Variants in PPFIA2 observed in about 807,000 individuals in gnomAD.
PPFIA2 encodes liprin-alpha-2.
A neutral mutation model predicts 175.5 loss-of-function variants in PPFIA2; 46 were observed. The ratio of observed to expected loss-of-function variants is 0.26; its 90% CI spans 0.21 to 0.34. PPFIA2 has a LOEUF of 0.34. Among genes scored for constraint, PPFIA2 ranks in the 10% least tolerant of loss-of-function variants. The pLI is 1.00. For synonymous variants in PPFIA2, 568 were observed against 511.4 expected, an observed-to-expected ratio of 1.11 and a Z score of -1.49; for missense variants, 1,179 against 1,506.1, an observed-to-expected ratio of 0.78 and a Z score of 3.60.
intron 4 of PPFIA2, among the ~76,000 whole-genome samples, chr12:81,632,408 AAT>A (rs1449795059): frequency 2.0e-5 from 3 of 152,006 alleles, no homozygotes; most frequent in South Asian, 2.1e-4. Flanking sequence ...TATATATGTA[AAT>A]ATATATATGT....
chr12:81,657,023 T>C (rs534703304), intron 4 of PPFIA2, among the ~76,000 whole-genome samples: 1 of 152,274 alleles, frequency 6.6e-6, no homozygotes, highest in South Asian at 2.1e-4. Context: ...CCTGTAGTGG[T>C]TATAATTAAT....
intron 4 of PPFIA2, among the ~76,000 whole-genome samples, chr12:81,507,275 C>T (rs1368049221): frequency 6.6e-6 from 1 of 152,100 alleles, no homozygotes; most frequent in Admixed American, 6.5e-5. Flanking sequence ...TAAATGGAAA[C>T]TGCATATTTA....
intron 4 of PPFIA2, among the ~76,000 whole-genome samples, chr12:81,613,646 T>C (rs1361939016): frequency 6.6e-6 from 1 of 152,154 alleles, no homozygotes; most frequent in Non-Finnish European, 1.5e-5. Context: ...TCTACAAGCA[T>C]AATTCCTAGC....
chr12:81,290,096 GC>G (rs2044512784), intron 24 of PPFIA2, among the ~76,000 whole-genome samples: 1 of 151,668 alleles, frequency 6.6e-6, no homozygotes, highest in Admixed American at 6.6e-5. Context: ...AAATAAAAAA[GC>G]CCCGAAGCCC....
chr12:81,545,283 C>T (rs1195837872), intron 4 of PPFIA2: 1 of 152,094 alleles, frequency 6.6e-6, no homozygotes, highest in African/African-American at 2.4e-5. Flanking sequence ...GAAGAAAAAT[C>T]AGAAATTTTG....
chr12:81,305,815 T>C (rs2049001099), intron 22 of PPFIA2, among the ~76,000 whole-genome samples: 1 of 152,218 alleles, frequency 6.6e-6, no homozygotes, highest in South Asian at 2.1e-4. Context: ...TATATTGGAA[T>C]GGTAAAACTT....
At chr12:81,432,550 C>T (rs926940237) in intron 7 of PPFIA2, among the ~76,000 whole-genome samples, 1 of 150,570 alleles carries the variant, frequency 6.6e-6, no homozygotes, top group African/African-American at 2.5e-5. Flanking sequence ...AATGCAACCT[C>T]TGCCTCCCGG....
At chr12:81,326,685 AC>A (rs2054850232) in intron 21 of PPFIA2, among the ~76,000 whole-genome samples, 1 of 152,138 alleles carries the variant, frequency 6.6e-6, no homozygotes, top group Non-Finnish European at 1.5e-5. Flanking sequence ...TTCTAAACTT[AC>A]AAAATTAATT....
intron 3 of PPFIA2, among the ~76,000 whole-genome samples, chr12:81,728,184 T>C (rs565046973): frequency 2.0e-5 from 3 of 151,554 alleles, no homozygotes; most frequent in Admixed American, 6.6e-5. Context: ...GTTTGGACTA[T>C]TGCCTTCACT....
At chr12:81,471,101 TCTTTC>T (rs1481811961) in intron 4 of PPFIA2, 6 of 148,438 alleles carry the variant, frequency 4.0e-5, no homozygotes, top group East Asian at 2.0e-4. Flanking sequence ...CATTTTTTTG[TCTTTC>T]CTTTATTTAT....
chr12:81,594,868 G>T (rs1438301217), intron 4 of PPFIA2, among the ~76,000 whole-genome samples: 2 of 151,972 alleles, frequency 1.3e-5, no homozygotes, highest in Non-Finnish European at 2.9e-5. Context: ...AGCTTTTATT[G>T]GGCCACTGCA....
At position 81,375,903 on chromosome 12, in the gene PPFIA2, T is replaced by A; in HGVS notation, c.1024A>T (p.Thr342Ser). 6.2e-7 allele frequency: 1 copy of A among 1,613,348 alleles called. No individual in the cohort carries two copies. Among genetic ancestry groups the A allele is most frequent in the Non-Finnish European group, 8.5e-7 (1 of 1,179,474 alleles). The change falls in exon 10 of 33, where the codon ACC becomes TCC. Residue 342 changes from threonine to serine, a missense_variant. Thr to Ser is a moderately conservative substitution (Grantham distance 58). Transcript: ENST00000549396. ...QKEDMEERIT[T>S]LEKRYLSAQR... ...GCACTGAGGTAACGCTTTTCAAGGG[T>A]TGTAATTCTTTCTTCCATATCTTCC... is the stretch of plus-strand genomic sequence containing the variant.
At chr12:81,424,196 T>C (rs2046767558) in intron 7 of PPFIA2, among the ~76,000 whole-genome samples, 1 of 152,100 alleles carries the variant, frequency 6.6e-6, no homozygotes, top group Non-Finnish European at 1.5e-5. Context: ...AACCATTATA[T>C]TAGAATTTTG....
intron 4 of PPFIA2, among the ~76,000 whole-genome samples, chr12:81,473,526 T>C (rs1301389164): frequency 6.6e-6 from 1 of 152,206 alleles, no homozygotes; most frequent in African/African-American, 2.4e-5. Context: ...AAACCACATG[T>C]GTGATAACAC....
chr12:81,356,096 C>T (rs1036734795), intron 16 of PPFIA2, among the ~76,000 whole-genome samples: 19 of 152,130 alleles, frequency 1.2e-4, no homozygotes, highest in Admixed American at 1.2e-3. Flanking sequence ...AGATGTGCAA[C>T]TCTTACTTTC....
At chr12:81,678,030 A>G (rs1359306681) in intron 3 of PPFIA2, among the ~76,000 whole-genome samples, 2 of 151,870 alleles carry the variant, frequency 1.3e-5, no homozygotes, top group Admixed American at 6.6e-5. Flanking sequence ...CAAATGAAAA[A>G]AACACAACTC....
At chr12:81,705,083 TAAA>T (rs557079067) in intron 3 of PPFIA2, among the ~76,000 whole-genome samples, 146 of 32,352 alleles carry the variant, frequency 4.5e-3, no homozygotes, top group African/African-American at 0.018. Context: ...AAACTCTGTC[TAAA>T]AAAAAAAAAA....
intron 3 of PPFIA2, among the ~76,000 whole-genome samples, chr12:81,730,275 G>T (rs1321404311): frequency 1.3e-5 from 2 of 151,586 alleles, no homozygotes; most frequent in Non-Finnish European, 3.0e-5. Flanking sequence ...AAATCCAAGT[G>T]TATTAGTCTG....
intron 4 of PPFIA2, among the ~76,000 whole-genome samples, chr12:81,620,021 G>T (rs1223677926): frequency 6.6e-6 from 1 of 151,784 alleles, no homozygotes; most frequent in East Asian, 1.9e-4. Context: ...TTATCCGGGC[G>T]TGATGGCGGG....
Sources: gnomAD v4.1 joint callset for allele counts (sites outside exome capture counted in the v4.1 genomes callset) on GRCh38, gnomAD v4.1.1 for gene constraint, MANE v1.5 for transcripts, NCBI Gene and HGNC (gene_info 2026-07-23, HGNC 2026-07-21) for gene names.